Variants in SLC2A14 observed in about 807,000 individuals in gnomAD.
SLC2A14 encodes solute carrier family 2, facilitated glucose transporter member 14.
In SLC2A14, 13 loss-of-function variants were observed where a neutral mutation model predicts 43.0. The ratio of observed to expected loss-of-function variants is 0.30; its 90% CI spans 0.20 to 0.48. SLC2A14 has a LOEUF of 0.48. Among genes scored for constraint, SLC2A14 ranks in the 20% least tolerant of loss-of-function variants. SLC2A14 has a pLI of 0.99. For synonymous variants in SLC2A14, 190 were observed against 233.8 expected (o/e 0.81, Z 1.71); for missense variants, 428 against 620.4 (o/e 0.69, Z 3.29).
At position 7,822,655 on chromosome 12, in the gene SLC2A14, C is replaced by T. The variant is rs371431589; in HGVS notation, c.865-1330G>A. On this transcript the variant is annotated intron_variant, in intron 7 of 10. Transcript: ENST00000431042. ...CTGCACTCCAGCCTGGGCAACAGAG[C>T]GAGACTCCATCTCAAAAAAAAAAAA... 6.4e-5 allele frequency among the ~76,000 whole-genome samples: 9 copies of T among 140,606 alleles called. No homozygotes were observed. The South Asian group carries it at 1.4e-3, about 22-fold the overall frequency. 92.2% of individuals were successfully genotyped at this position (140,606 alleles called of 152,430 possible). A position where few individuals can be genotyped will look rare whatever the true frequency, so the allele number is the denominator to read the frequency against.
intron 2 of SLC2A14, among the ~76,000 whole-genome samples, chr12:7,862,874 C>G (rs1944662609): frequency 6.6e-6 from 1 of 151,978 alleles, no homozygotes; most frequent in African/African-American, 2.4e-5. Context: ...CTGATGGGCA[C>G]GTGGAGAACA....
intron 2 of SLC2A14, among the ~76,000 whole-genome samples, chr12:7,836,130 G>A (rs923695898): frequency 6.6e-6 from 1 of 151,930 alleles, no homozygotes; most frequent in African/African-American, 2.4e-5. Context: ...AATTTGAATC[G>A]TGTCAGAGTC....
At chr12:7,822,167 G>C (rs1442588426) in intron 7 of SLC2A14, among the ~76,000 whole-genome samples, 1 of 151,554 alleles carries the variant, frequency 6.6e-6, no homozygotes, top group Non-Finnish European at 1.5e-5. Context: ...CGCCATGTTG[G>C]CCAGGTTGGT....
chr12:7,834,686 G>T (rs965297000), intron 2 of SLC2A14, among the ~76,000 whole-genome samples: 1 of 151,168 alleles, frequency 6.6e-6, no homozygotes, highest in African/African-American at 2.4e-5. Flanking sequence ...GAGCTATGCA[G>T]CCTGGGCAAC....
chr12:7,890,891 G>T, intron 1 of SLC2A14: 2 of 1,303,660 alleles, frequency 1.5e-6, no homozygotes, highest in Non-Finnish European at 2.1e-6. Flanking sequence ...TTAACACACT[G>T]TGCTGATTAA....
At chr12:7,822,366 C>T (rs1306278209) in intron 7 of SLC2A14, among the ~76,000 whole-genome samples, 2 of 152,014 alleles carry the variant, frequency 1.3e-5, no homozygotes, top group Non-Finnish European at 2.9e-5. Flanking sequence ...GTCTACTTCA[C>T]CAACTTATAT....
At chr12:7,816,045 C>T (rs1276152495) in intron 10 of SLC2A14, among the ~76,000 whole-genome samples, 3 of 151,454 alleles carry the variant, frequency 2.0e-5, no homozygotes, top group East Asian at 3.9e-4. Flanking sequence ...AGATTACAGG[C>T]GCCTGCCACC....
At chr12:7,874,677 AATATATAAATAT>A (rs1427740521), upstream of SLC2A14, among the ~76,000 whole-genome samples, 34 of 145,784 alleles carry the variant, frequency 2.3e-4, no homozygotes, top group South Asian at 5.5e-3. Context: ...ATCTCAAAAA[AATATATAAATAT>A]ATATATAAAT....
intron 2 of SLC2A14, among the ~76,000 whole-genome samples, chr12:7,838,119 G>A (rs1395757117): frequency 2.0e-5 from 3 of 147,376 alleles, no homozygotes; most frequent in Non-Finnish European, 4.5e-5. Context: ...ACAGAATCTC[G>A]CTCTGTCACC....
intron 2 of SLC2A14, among the ~76,000 whole-genome samples, chr12:7,852,249 C>A (rs1172050851): frequency 6.6e-6 from 1 of 152,030 alleles, no homozygotes; most frequent in Non-Finnish European, 1.5e-5. Flanking sequence ...TATAATTTTT[C>A]TTTAAATAAC....
At chr12:7,823,116 T>A (rs1318359443) in intron 7 of SLC2A14, among the ~76,000 whole-genome samples, 1 of 152,146 alleles carries the variant, frequency 6.6e-6, no homozygotes, top group East Asian at 1.9e-4. Flanking sequence ...AGCACAGTGG[T>A]TCATTCCTGT....
chr12:7,841,916 A>T (rs1301115522), intron 2 of SLC2A14, among the ~76,000 whole-genome samples: 1 of 151,620 alleles, frequency 6.6e-6, no homozygotes, highest in Non-Finnish European at 1.5e-5. Flanking sequence ...GAGGCAGGAG[A>T]ATTGACTGAA....
chr12:7,819,226 A>T (rs1034663485), intron 9 of SLC2A14, among the ~76,000 whole-genome samples: 1 of 152,170 alleles, frequency 6.6e-6, no homozygotes, highest in African/African-American at 2.4e-5. Context: ...TCAAACAAAC[A>T]AACAAACAAA....
intron 4 of SLC2A14, among the ~76,000 whole-genome samples, chr12:7,830,442 CG>C (rs1262989352): frequency 6.6e-6 from 1 of 152,132 alleles, no homozygotes; most frequent in Non-Finnish European, 1.5e-5. Context: ...TGAGCCACCA[CG>C]CCCAGCCCTT....
intron 1 of SLC2A14, chr12:7,870,902 C>G (rs1945188667): frequency 7.2e-7 from 1 of 1,387,154 alleles, no homozygotes; most frequent in African/African-American, 1.5e-5. Context: ...GACCACAGCA[C>G]AAGGGGCCAC....
At chr12:7,858,937 T>G (rs756151686) in intron 2 of SLC2A14, among the ~76,000 whole-genome samples, 1 of 152,310 alleles carries the variant, frequency 6.6e-6, no homozygotes, top group Non-Finnish European at 1.5e-5. Context: ...AGTTTTATGG[T>G]TGTAGCACTT....
intron 2 of SLC2A14, among the ~76,000 whole-genome samples, chr12:7,857,807 G>C (rs1477265766): frequency 9.9e-5 from 15 of 151,866 alleles, no homozygotes; most frequent in Non-Finnish European, 2.2e-4. Flanking sequence ...ATTACAGGCA[G>C]GTGCTGCTGG....
chr12:7,862,243 T>C (rs1271106002), intron 2 of SLC2A14, among the ~76,000 whole-genome samples: 1 of 117,322 alleles, frequency 8.5e-6, no homozygotes, highest in African/African-American at 3.3e-5. Flanking sequence ...CAGCCTGGGC[T>C]ACAGAGCCAG....
chr12:7,875,258 A>AG (rs1565585810), upstream of SLC2A14, among the ~76,000 whole-genome samples: 173 of 137,994 alleles, frequency 1.3e-3, no homozygotes, highest in African/African-American at 3.1e-3. Context: ...TATATATATA[A>AG]TTTCTTTGGG....
Sources: gnomAD v4.1 joint callset for allele counts (sites outside exome capture counted in the v4.1 genomes callset) on GRCh38, gnomAD v4.1.1 for gene constraint, MANE v1.5 for transcripts, NCBI Gene and HGNC (gene_info 2026-07-23, HGNC 2026-07-21) for gene names.